The following SUPT3H variants were observed in gnomAD, a reference collection of about 807,000 sequenced individuals.
SUPT3H encodes the protein transcription initiation protein SPT3 homolog.
Under a neutral mutation model 44.3 loss-of-function variants are expected in SUPT3H, and 44 were observed. The observed-to-expected ratio is 0.99, with a 90% CI of 0.78 to 1.28. The LOEUF is 1.28. SUPT3H is among the 50% of genes most tolerant of loss of function. The pLI is 0.00. For missense variants in SUPT3H, 380 were observed against 387.1 expected (o/e 0.98, Z 0.15); for synonymous variants, 124 against 125.6 (o/e 0.99, Z 0.09).
At chr6:44,998,904 T>A (rs755011633) in intron 6 of SUPT3H, among the ~76,000 whole-genome samples, 1 of 152,034 alleles carries the variant, frequency 6.6e-6, no homozygotes, top group African/African-American at 2.4e-5. Context: ...TTGCTTCTCT[T>A]TTTAACAAAG....
intron 10 of SUPT3H, among the ~76,000 whole-genome samples, chr6:44,915,455 G>GC (rs111843479): frequency 4.1e-4 from 63 of 151,972 alleles, no homozygotes; most frequent in African/African-American, 1.4e-3. Flanking sequence ...AAGTTCTAAG[G>GC]CCCCCCAACC....
At chr6:45,302,650 T>C (rs1012067677) in intron 2 of SUPT3H, among the ~76,000 whole-genome samples, 1 of 151,494 alleles carries the variant, frequency 6.6e-6, no homozygotes, top group Non-Finnish European at 1.5e-5. Context: ...TGTAAACATG[T>C]GTGTGCAACT....
intron 2 of SUPT3H, among the ~76,000 whole-genome samples, chr6:45,354,302 T>G (rs1792677120): frequency 6.6e-6 from 1 of 152,038 alleles, no homozygotes; most frequent in Non-Finnish European, 1.5e-5. Flanking sequence ...TAAAAAGATC[T>G]GATAACATAG....
intron 2 of SUPT3H, among the ~76,000 whole-genome samples, chr6:45,226,436 T>C (rs200544066): frequency 1.3e-5 from 2 of 152,060 alleles, no homozygotes; most frequent in East Asian, 1.9e-4. Context: ...GCTGGTAAAA[T>C]AGGCTTATTA....
chr6:44,934,858 T>A (rs866577168), intron 9 of SUPT3H, among the ~76,000 whole-genome samples: 1 of 152,340 alleles, frequency 6.6e-6, no homozygotes, highest in East Asian at 1.9e-4. Flanking sequence ...GAAGCCCAAA[T>A]GGACTAAGAT....
At chr6:45,211,803 A>C (rs112597539) in intron 2 of SUPT3H, among the ~76,000 whole-genome samples, 1,645 of 151,956 alleles carry the variant, frequency 0.011, 25 homozygotes, top group Middle Eastern at 0.02. Context: ...AAACTGAGAT[A>C]GCACCACTGC....
intron 2 of SUPT3H, among the ~76,000 whole-genome samples, chr6:45,323,819 A>T (rs983325503): frequency 1.3e-5 from 2 of 152,080 alleles, no homozygotes; most frequent in African/African-American, 4.8e-5. Flanking sequence ...TCCATAGCAC[A>T]AAGTTACAGC....
chr6:45,272,267 T>C (rs572156253), intron 2 of SUPT3H, among the ~76,000 whole-genome samples: 1 of 152,304 alleles, frequency 6.6e-6, no homozygotes, highest in South Asian at 2.1e-4. Flanking sequence ...GGTTTGGCTG[T>C]GTCCCCACCC....
intron 2 of SUPT3H, among the ~76,000 whole-genome samples, chr6:45,296,996 A>C (rs748878319): frequency 6.6e-6 from 1 of 151,442 alleles, no homozygotes; most frequent in Non-Finnish European, 1.5e-5. Context: ...TGAGTACACC[A>C]AAATCTCACA....
chr6:44,816,862 T>C (rs1274971381), intron 11 of SUPT3H, among the ~76,000 whole-genome samples: 1 of 151,754 alleles, frequency 6.6e-6, no homozygotes, highest in Non-Finnish European at 1.5e-5. Context: ...GAGACCAGCC[T>C]AGGCAACAAG....
At chr6:45,265,889 A>G (rs1028962947) in intron 2 of SUPT3H, among the ~76,000 whole-genome samples, 2 of 152,080 alleles carry the variant, frequency 1.3e-5, no homozygotes, top group Admixed American at 6.6e-5. Context: ...AGAAGATAAA[A>G]TATATCAAAA....
chr6:45,193,572 TGGGCATGGTGAC>T (rs1459838867), intron 2 of SUPT3H, among the ~76,000 whole-genome samples: 1 of 151,960 alleles, frequency 6.6e-6, no homozygotes, highest in Admixed American at 6.6e-5. Context: ...AAAAATTAGC[TGGGCATGGTGAC>T]GGGCACCTGT....
chr6:44,839,464 C>G (rs780020623), intron 10 of SUPT3H, among the ~76,000 whole-genome samples: 4 of 151,932 alleles, frequency 2.6e-5, no homozygotes, highest in Non-Finnish European at 5.9e-5. Flanking sequence ...CACCACCACG[C>G]TCAGCTAATT....
intron 2 of SUPT3H, among the ~76,000 whole-genome samples, chr6:45,247,369 T>G (rs533699970): frequency 1.3e-5 from 2 of 152,324 alleles, no homozygotes; most frequent in South Asian, 2.1e-4. Flanking sequence ...TTGCCTGTTT[T>G]GGGCACAAAA....
intron 10 of SUPT3H, among the ~76,000 whole-genome samples, chr6:44,861,374 G>GTTTTCTTTTCTTTTC: frequency 6.6e-6 from 1 of 150,824 alleles, no homozygotes; most frequent in Non-Finnish European, 1.5e-5. Flanking sequence ...CTCAGCCACA[G>GTTTTCTTTTCTTTTC]TTTTCTTTTC....
At chr6:44,948,774 C>T (rs1429087002) in intron 9 of SUPT3H, among the ~76,000 whole-genome samples, 3 of 151,968 alleles carry the variant, frequency 2.0e-5, no homozygotes, top group African/African-American at 4.8e-5. Flanking sequence ...GAAATAGGAA[C>T]ACTTTTACAC....
chr6:45,326,870 C>T (rs1014331420), intron 2 of SUPT3H, among the ~76,000 whole-genome samples: 1 of 151,868 alleles, frequency 6.6e-6, no homozygotes, highest in East Asian at 1.9e-4. Flanking sequence ...TCCGCCCACC[C>T]CATTTACTTT....
chr6:45,166,613 A>T (rs1276461134), intron 2 of SUPT3H, among the ~76,000 whole-genome samples: 1 of 151,696 alleles, frequency 6.6e-6, no homozygotes, highest in Non-Finnish European at 1.5e-5. Flanking sequence ...GAGGGGAGAG[A>T]AAAGGAGGGA....
chr6:45,159,040 G>A (rs1174576230), intron 2 of SUPT3H: 1 of 152,196 alleles, frequency 6.6e-6, no homozygotes, highest in African/African-American at 2.4e-5. Context: ...CTATGCAGTT[G>A]TGTTAGAATC....
Sources: gnomAD v4.1 joint callset for allele counts (sites outside exome capture counted in the v4.1 genomes callset) on GRCh38, gnomAD v4.1.1 for gene constraint, MANE v1.5 for transcripts, NCBI Gene and HGNC (gene_info 2026-07-23, HGNC 2026-07-21) for gene names.